Variants in EXOC4 observed in about 807,000 individuals in gnomAD.
The protein encoded by EXOC4 is SEC8-like 1.
A neutral mutation model predicts 107.2 loss-of-function variants in EXOC4; 71 were observed. The observed-to-expected ratio is 0.66, with a 90% CI of 0.55 to 0.81. EXOC4 has a LOEUF of 0.81. EXOC4 is among the 30% of genes least tolerant of loss of function. The pLI, the probability that EXOC4 is intolerant of heterozygous loss-of-function variation, is 0.00. For missense variants in EXOC4, 1,108 were observed against 1,189.6 expected, an observed-to-expected ratio of 0.93 and a Z score of 1.01; for synonymous variants, 456 against 441.2, an observed-to-expected ratio of 1.03 and a Z score of -0.42.
rs1186165891 is a variant in EXOC4 at position 133,971,361 on chromosome 7, T to TAGAG, written c.2207-26093_2207-26090dup. ...ATATATATATATATATATATATATA[T>TAGAG]AGAGAGAGAGAGAGAGAGAGAGAGA... On this transcript the variant is annotated intron_variant, in intron 14 of 17. Transcript: ENST00000253861. Among the ~76,000 whole-genome samples, 58 of 75,054 alleles carry TAGAG rather than the reference T, an allele frequency of 7.7e-4. 1 individual carries two copies. Among genetic ancestry groups the TAGAG allele is most frequent in the East Asian group, 1.4e-3 (3 of 2,108 alleles). 49.2% of individuals were successfully genotyped at this position (75,054 alleles called of 152,430 possible).
chr7:133,658,145 C>T (rs1562895147), intron 10 of EXOC4, among the ~76,000 whole-genome samples: 1 of 152,052 alleles, frequency 6.6e-6, no homozygotes, highest in Non-Finnish European at 1.5e-5. Flanking sequence ...CCTTTTCTGT[C>T]AGAAAGTACA....
chr7:133,639,666 T>C (rs1780798812), intron 10 of EXOC4, among the ~76,000 whole-genome samples: 1 of 152,154 alleles, frequency 6.6e-6, no homozygotes, highest in South Asian at 2.1e-4. Context: ...TTTCATTTTT[T>C]GGTAAGAGTA....
At chr7:133,675,234 G>C (rs1020178535) in intron 10 of EXOC4, among the ~76,000 whole-genome samples, 4 of 152,010 alleles carry the variant, frequency 2.6e-5, no homozygotes, top group African/African-American at 9.7e-5. Flanking sequence ...TTTTCAAGGC[G>C]ACCCCAGCTG....
chr7:133,588,776 C>A (rs1419104940), intron 9 of EXOC4, among the ~76,000 whole-genome samples: 1 of 152,138 alleles, frequency 6.6e-6, no homozygotes, highest in Non-Finnish European at 1.5e-5. Context: ...ACTCAGGAGG[C>A]TGAAGCACGA....
At chr7:134,060,587 A>G (rs769625801) in intron 17 of EXOC4, among the ~76,000 whole-genome samples, 17 of 152,134 alleles carry the variant, frequency 1.1e-4, no homozygotes, top group African/African-American at 3.6e-4. Flanking sequence ...CTGATAAATT[A>G]TTTATCCCTA....
intron 14 of EXOC4, among the ~76,000 whole-genome samples, chr7:133,978,409 T>TG (rs1464069042): frequency 6.6e-6 from 1 of 152,210 alleles, no homozygotes; most frequent in East Asian, 1.9e-4. Flanking sequence ...CAGAGATCCT[T>TG]GGTGACCCTT....
At position 133,508,061 on chromosome 7, in the gene EXOC4, C is replaced by CA. The variant is rs1208002166; in HGVS notation, c.1417+27931dup. 5.4e-5 allele frequency among the ~76,000 whole-genome samples: 8 copies of CA among 148,166 alleles called. No homozygotes were observed. In the East Asian group the frequency reaches 5.9e-4, roughly 11 times the overall value. ...GGGCAACAAGAGCAAAACTCCGTCTCAAAAAAAAGAAAAGAAAAGAAAAGA... is the reference window on the plus strand; with the variant it reads ...GGGCAACAAGAGCAAAACTCCGTCTCAAAAAAAAAGAAAAGAAAAGAAAAGA... On this transcript the variant is annotated intron_variant, in intron 9 of 17. Coordinates refer to ENST00000253861, the MANE Select transcript of EXOC4 (RefSeq NM_021807.4).
Position 133,769,943 on chromosome 7 carries a change from C to A in EXOC4, c.1515-47382C>A, listed in dbSNP as rs145605132. ...GCCTCGGTTTTGCTAGCCTCATCTG[C>A]TGTTTTTAAATGTCAGCCTCTGCCA... On this transcript the variant is annotated intron_variant, in intron 10 of 17. Coordinates refer to ENST00000253861, the MANE Select transcript of EXOC4 (RefSeq NM_021807.4). 3.6e-3 allele frequency among the ~76,000 whole-genome samples: 548 copies of A among 151,886 alleles called. 2 individuals are homozygous for A. Among genetic ancestry groups the A allele is most frequent in the Non-Finnish European group, 4.7e-3 (322 of 67,860 alleles).
chr7:133,923,512 T>C (rs73156938), intron 13 of EXOC4, among the ~76,000 whole-genome samples: 18,177 of 152,178 alleles, frequency 0.12, 1,183 homozygotes, highest in Middle Eastern at 0.15. Context: ...AACAATGAAC[T>C]TGAACACTTT....
intron 4 of EXOC4, among the ~76,000 whole-genome samples, chr7:133,308,793 T>C (rs1563012089): frequency 6.6e-6 from 1 of 152,152 alleles, no homozygotes; most frequent in Admixed American, 6.5e-5. Context: ...GAAGAAATAT[T>C]ATGTGATCTG....
chr7:133,610,305 C>G (rs758517574), intron 9 of EXOC4, among the ~76,000 whole-genome samples: 5 of 152,146 alleles, frequency 3.3e-5, no homozygotes, highest in Non-Finnish European at 7.4e-5. Flanking sequence ...TTTAAATCTC[C>G]TTTATGAGAC....
chr7:133,578,778 A>T (rs7787300), intron 9 of EXOC4, among the ~76,000 whole-genome samples: 1 of 151,532 alleles, frequency 6.6e-6, no homozygotes, highest in African/African-American at 2.4e-5. Context: ...CAAATCTTTA[A>T]TAGTGTTACA....
intron 5 of EXOC4, among the ~76,000 whole-genome samples, chr7:133,329,837 C>T (rs1795338001): frequency 6.6e-6 from 1 of 152,176 alleles, no homozygotes; most frequent in African/African-American, 2.4e-5. Context: ...CCAGCCAGAG[C>T]TCTCCTTTAT....
chr7:133,711,582 T>C (rs1794894395), intron 10 of EXOC4, among the ~76,000 whole-genome samples: 1 of 152,236 alleles, frequency 6.6e-6, no homozygotes, highest in Non-Finnish European at 1.5e-5. Flanking sequence ...GGTGTAGTTG[T>C]GTATACTCAG....
intron 12 of EXOC4, among the ~76,000 whole-genome samples, chr7:133,911,917 TCTCCCACA>T (rs1308894863): frequency 3.3e-5 from 5 of 152,062 alleles, no homozygotes; most frequent in African/African-American, 4.8e-5. Context: ...AGTGGTGAAA[TCTCCCACA>T]GCCAAGATTC....
chr7:133,415,073 T>C (rs1797444628), intron 7 of EXOC4, among the ~76,000 whole-genome samples: 1 of 152,172 alleles, frequency 6.6e-6, no homozygotes, highest in Non-Finnish European at 1.5e-5. Flanking sequence ...AGTTAGATAA[T>C]GTTTTTGAGG....
intron 11 of EXOC4, among the ~76,000 whole-genome samples, chr7:133,889,064 G>C (rs1799148863): frequency 6.6e-6 from 1 of 152,148 alleles, no homozygotes; most frequent in Non-Finnish European, 1.5e-5. Flanking sequence ...CAATACAAAT[G>C]TTAGTTGTTA....
At chr7:133,461,047 T>C (rs1271623111) in intron 7 of EXOC4, among the ~76,000 whole-genome samples, 1 of 152,014 alleles carries the variant, frequency 6.6e-6, no homozygotes, top group Non-Finnish European at 1.5e-5. Flanking sequence ...TCAGAGAAGG[T>C]TTTGCGCATG....
chr7:133,422,193 C>T (rs1797623308), intron 7 of EXOC4, among the ~76,000 whole-genome samples: 1 of 152,086 alleles, frequency 6.6e-6, no homozygotes, highest in African/African-American at 2.4e-5. Flanking sequence ...GCAGTCTGGC[C>T]ATATATACCT....
Sources: allele counts gnomAD v4.1 joint callset (sites outside exome capture counted in the v4.1 genomes callset), GRCh38; gene constraint gnomAD v4.1.1; transcripts MANE v1.5; gene names NCBI Gene and HGNC (gene_info 2026-07-23, HGNC 2026-07-21).